The following MGAT4C variants were observed in gnomAD, a reference collection of about 807,000 sequenced individuals.
The protein encoded by MGAT4C is MGAT4 family member C.
MGAT4C carries 19 observed loss-of-function variants against 40.1 expected under a neutral mutation model. That is an observed-to-expected ratio of 0.47 (90% CI 0.33 to 0.70). The LOEUF is 0.70. Ranked by LOEUF, MGAT4C falls within the 30% of genes least tolerant of loss-of-function variation. The pLI, the probability that MGAT4C is intolerant of heterozygous loss-of-function variation, is 0.02. For missense variants in MGAT4C, 491 were observed against 563.2 expected, an observed-to-expected ratio of 0.87 and a Z score of 1.30; for synonymous variants, 181 against 187.1, an observed-to-expected ratio of 0.97 and a Z score of 0.27.
At chr12:86,614,708 C>G (rs1023751050) in intron 2 of MGAT4C, among the ~76,000 whole-genome samples, 1 of 151,784 alleles carries the variant, frequency 6.6e-6, no homozygotes, top group African/African-American at 2.4e-5. Context: ...AAAATTTCCA[C>G]TGTAAAGAAA....
intron 2 of MGAT4C, among the ~76,000 whole-genome samples, chr12:86,535,895 C>G (rs1226763348): frequency 6.6e-6 from 1 of 152,044 alleles, no homozygotes; most frequent in East Asian, 1.9e-4. Context: ...GTAAACAAAA[C>G]ATACATAAAA....
At chr12:86,169,010 T>TA (rs1287971967) in intron 1 of MGAT4C, among the ~76,000 whole-genome samples, 2 of 151,996 alleles carry the variant, frequency 1.3e-5, no homozygotes, top group South Asian at 2.1e-4. Context: ...GATAAGATTG[T>TA]AAAAAAATGT....
At chr12:86,021,845 C>T (rs1255589691) in intron 2 of MGAT4C, among the ~76,000 whole-genome samples, 1 of 152,130 alleles carries the variant, frequency 6.6e-6, no homozygotes, top group African/African-American at 2.4e-5. Flanking sequence ...AACATATTGT[C>T]TCAATAATAT....
At chr12:86,056,772 T>C (rs1026671813) in intron 1 of MGAT4C, among the ~76,000 whole-genome samples, 1 of 152,224 alleles carries the variant, frequency 6.6e-6, no homozygotes, top group East Asian at 1.9e-4. Flanking sequence ...CTGGATCAAA[T>C]GGTATTTCTA....
chr12:85,996,592 A>G (rs1886646386), intron 2 of MGAT4C, among the ~76,000 whole-genome samples: 1 of 152,226 alleles, frequency 6.6e-6, no homozygotes, highest in Non-Finnish European at 1.5e-5. Flanking sequence ...AGTTAATAAT[A>G]AAAGAAAAGA....
Position 85,968,419 on chromosome 12 carries a change from C to A in MGAT4C, c.*10870G>T, listed in dbSNP as rs1455444612. ...AGGAAAACAGATCACTTACGTAGTT[C>A]TCCAAAAACGAGAGTCCCAGATTCA... On this transcript the variant is annotated 3_prime_UTR_variant, in exon 5 of 5. Transcript: ENST00000611864. 1 of 151,936 alleles carries A rather than the reference C, an allele frequency of 6.6e-6. No individual in the cohort carries two copies. Among genetic ancestry groups the A allele is most frequent in the Non-Finnish European group, 1.5e-5 (1 of 67,920 alleles). The allele number at this position is 151,936 out of a possible 1,614,324, so 9.4% of individuals were successfully genotyped here. A position where few individuals can be genotyped will look rare whatever the true frequency, so the allele number is the denominator to read the frequency against.
chr12:86,551,460 A>T (rs1363547222), intron 2 of MGAT4C, among the ~76,000 whole-genome samples: 1 of 152,208 alleles, frequency 6.6e-6, no homozygotes, highest in Non-Finnish European at 1.5e-5. Context: ...AGGCCAGCCA[A>T]ACAGCTGTGT....
intron 2 of MGAT4C, among the ~76,000 whole-genome samples, chr12:86,017,358 T>C (rs888840238): frequency 2.0e-5 from 3 of 152,162 alleles, no homozygotes; most frequent in Non-Finnish European, 4.4e-5. Context: ...AGATCTGTAA[T>C]GTTATTTTGG....
intron 1 of MGAT4C, among the ~76,000 whole-genome samples, chr12:86,779,414 G>A (rs1483324190): frequency 6.6e-6 from 1 of 151,842 alleles, no homozygotes; most frequent in African/African-American, 2.4e-5. Context: ...GAGCAGCATA[G>A]CGAGACCCCA....
intron 1 of MGAT4C, among the ~76,000 whole-genome samples, chr12:86,112,753 T>C (rs17013647): frequency 0.035 from 5,324 of 151,606 alleles, 297 homozygotes; most frequent in East Asian, 0.28. Flanking sequence ...TCTGAAATAG[T>C]TAGGAGGAAA....
chr12:86,446,215 TAAGAC>T (rs1957332380), intron 2 of MGAT4C, among the ~76,000 whole-genome samples: 1 of 152,016 alleles, frequency 6.6e-6, no homozygotes, highest in Non-Finnish European at 1.5e-5. Context: ...CAATTATTGC[TAAGAC>T]AAGGACCCAT....
intron 2 of MGAT4C, among the ~76,000 whole-genome samples, chr12:86,626,174 T>C (rs1962798149): frequency 6.6e-6 from 1 of 152,214 alleles, no homozygotes; most frequent in Non-Finnish European, 1.5e-5. Context: ...TTAAAATTTT[T>C]ACACAATTCC....
At chr12:86,518,881 G>C (rs765268959) in intron 2 of MGAT4C, among the ~76,000 whole-genome samples, 1 of 151,804 alleles carries the variant, frequency 6.6e-6, no homozygotes, top group Non-Finnish European at 1.5e-5. Flanking sequence ...AAAATCTATT[G>C]ACACACATAA....
chr12:86,310,881 A>G (rs1444072182), intron 4 of MGAT4C, among the ~76,000 whole-genome samples: 1 of 152,188 alleles, frequency 6.6e-6, no homozygotes, highest in Non-Finnish European at 1.5e-5. Context: ...CCGAGATCGC[A>G]CCACCGCACT....
intron 2 of MGAT4C, among the ~76,000 whole-genome samples, chr12:86,477,276 T>C (rs143750423): frequency 6.6e-6 from 1 of 151,692 alleles, no homozygotes; most frequent in Non-Finnish European, 1.5e-5. Context: ...ATGAATGAAA[T>C]TAGAGGCCAT....
chr12:86,646,826 C>T lies in MGAT4C; in HGVS notation c.-229+80383G>A, dbSNP rs149691134. 1.1e-4 allele frequency among the ~76,000 whole-genome samples: 17 copies of T among 151,966 alleles called. No homozygotes were observed. The East Asian group carries it at 1.9e-3, about 17-fold the overall frequency. On this transcript the variant is annotated intron_variant, in intron 2 of 7. Coordinates refer to the MGAT4C transcript ENST00000548651. Reference sequence around the variant, plus strand: ...TATTGTTTTATTTTATTTTAACTGACATATAATAATTGCATATATGTATGG... The same window carrying T: ...TATTGTTTTATTTTATTTTAACTGATATATAATAATTGCATATATGTATGG...
chr12:86,449,542 C>T (rs1015907379), intron 2 of MGAT4C, among the ~76,000 whole-genome samples: 7 of 152,074 alleles, frequency 4.6e-5, no homozygotes, highest in African/African-American at 7.2e-5. Context: ...TTTCAAAGAT[C>T]GCAAAAGCCT....
At chr12:86,188,907 A>G (rs1889068917) in intron 1 of MGAT4C, among the ~76,000 whole-genome samples, 1 of 151,950 alleles carries the variant, frequency 6.6e-6, no homozygotes, top group African/African-American at 2.4e-5. Context: ...TAAATAATAT[A>G]AATAAGTTTA....
intron 1 of MGAT4C, among the ~76,000 whole-genome samples, chr12:86,230,583 T>C (rs1377017268): frequency 6.6e-6 from 1 of 152,110 alleles, no homozygotes; most frequent in African/African-American, 2.4e-5. Flanking sequence ...AATTATGAAG[T>C]AGAAAATCAG....
Sources: gnomAD v4.1 joint callset for allele counts (sites outside exome capture counted in the v4.1 genomes callset) on GRCh38, gnomAD v4.1.1 for gene constraint, MANE v1.5 for transcripts, NCBI Gene and HGNC (gene_info 2026-07-23, HGNC 2026-07-21) for gene names.